Variants in SLC16A10 observed in about 807,000 individuals in gnomAD.
SLC16A10 encodes the protein solute carrier family 16 member 10.
Under a neutral mutation model 40.0 loss-of-function variants are expected in SLC16A10, and 27 were observed. The ratio of observed to expected loss-of-function variants is 0.67; its 90% CI spans 0.50 to 0.93. The LOEUF is 0.93. Ranked by LOEUF, SLC16A10 falls within the 40% of genes least tolerant of loss-of-function variation. The probability of loss-of-function intolerance (pLI) is 0.00; values close to 1 mark genes in which losing one functional copy is unlikely to be tolerated. For synonymous variants in SLC16A10, 213 were observed against 249.8 expected (o/e 0.85, Z 1.39); for missense variants, 529 against 658.2 (o/e 0.80, Z 2.15).
chr6:111,172,632 G>A (rs1274765853), intron 1 of SLC16A10, 63 bp from the exon 2 acceptor site: 2 of 1,563,050 alleles, frequency 1.3e-6, no homozygotes, highest in South Asian at 1.2e-5. Context: ...TTATATCAAT[G>A]GAATAAATAC....
intron 1 of SLC16A10, among the ~76,000 whole-genome samples, chr6:111,148,981 A>G (rs1346291869): frequency 6.6e-6 from 1 of 152,180 alleles, no homozygotes; most frequent in Non-Finnish European, 1.5e-5. Context: ...CGTCCATGGT[A>G]GAATTGATAC....
At chr6:111,219,097 G>T (rs566788281) in intron 5 of SLC16A10, 55 bp downstream of exon 5, 1 of 1,477,744 alleles carries the variant, frequency 6.8e-7, no homozygotes, top group African/African-American at 1.4e-5. Flanking sequence ...TTCTACTTCA[G>T]GTCTTAATTA....
intron 1 of SLC16A10, among the ~76,000 whole-genome samples, chr6:111,142,184 G>A (rs978399689): frequency 6.6e-6 from 1 of 152,176 alleles, no homozygotes; most frequent in African/African-American, 2.4e-5. Flanking sequence ...ACAGATCGAT[G>A]GAACAGAATA....
In SLC16A10 at chr6:111,186,990, A is replaced by G. The variant is rs140284491; in HGVS notation, c.942+9325A>G. Among the ~76,000 whole-genome samples, 222 of 152,286 alleles carry G rather than the reference A, an allele frequency of 1.5e-3. 1 individual carries two copies. The highest frequency in any genetic ancestry group is 5.2e-3 in the African/African-American group (215 of 41,576). The stretch of plus-strand genomic sequence containing the variant: ...CCCTGTATCTCTGTATCCATGTTAA[A>G]TTGAACTGATGCTTTTTTGAAGTAA... On this transcript the variant is annotated intron_variant, in intron 3 of 5. Transcript: ENST00000368851.
At chr6:111,128,019 G>A (rs1163147990) in intron 1 of SLC16A10, among the ~76,000 whole-genome samples, 1 of 152,118 alleles carries the variant, frequency 6.6e-6, no homozygotes, top group Non-Finnish European at 1.5e-5. Context: ...GATTACTGCT[G>A]CCTTTGCTCT....
chr6:111,193,356 G>A (rs1773027961), intron 3 of SLC16A10: 1 of 983,820 alleles, frequency 1.0e-6, no homozygotes, highest in African/African-American at 1.8e-5. Flanking sequence ...TATCAGTTTT[G>A]TGCCTTAGGC....
At chr6:111,146,431 A>G (rs748770841) in intron 1 of SLC16A10, among the ~76,000 whole-genome samples, 4 of 152,294 alleles carry the variant, frequency 2.6e-5, no homozygotes, top group Non-Finnish European at 5.9e-5. Context: ...TTAGGTGTAT[A>G]CCCAAGACAA....
intron 3 of SLC16A10, among the ~76,000 whole-genome samples, chr6:111,178,097 T>C (rs1388824837): frequency 6.6e-6 from 1 of 152,238 alleles, no homozygotes. Flanking sequence ...GTATAAAACA[T>C]TTGATAGGTC....
intron 1 of SLC16A10, among the ~76,000 whole-genome samples, chr6:111,122,157 T>A (rs1272384171): frequency 6.6e-6 from 1 of 152,174 alleles, no homozygotes; most frequent in African/African-American, 2.4e-5. Context: ...CTCACAGTGT[T>A]GTGGGGAGTG....
intron 1 of SLC16A10, among the ~76,000 whole-genome samples, chr6:111,101,425 A>G (rs923760276): frequency 3.3e-5 from 5 of 152,206 alleles, no homozygotes; most frequent in Admixed American, 3.3e-4. Flanking sequence ...GTATTTTCTG[A>G]CACCCCTAGA....
intron 1 of SLC16A10, among the ~76,000 whole-genome samples, chr6:111,161,714 A>C (rs1772375843): frequency 1.3e-5 from 2 of 152,184 alleles, no homozygotes; most frequent in African/African-American, 4.8e-5. Flanking sequence ...AAACAAAATA[A>C]GGGGGTAAGG....
At chr6:111,149,773 T>G (rs1772141118) in intron 1 of SLC16A10, among the ~76,000 whole-genome samples, 1 of 152,224 alleles carries the variant, frequency 6.6e-6, no homozygotes, top group Non-Finnish European at 1.5e-5. Flanking sequence ...ATCTACAGAC[T>G]TCCTTATGGA....
Position 111,230,322 on chromosome 6 carries a change from C to A in SLC16A10, c.*8087C>A, listed in dbSNP as rs765241642. The A allele has an allele frequency of 6.6e-6, 1 of 152,086 alleles. No individual in the cohort carries two copies. The highest frequency in any genetic ancestry group is 1.5e-5 in the Non-Finnish European group (1 of 68,020). 9.4% of individuals were successfully genotyped at this position (152,086 alleles called of 1,614,324 possible). A position where few individuals can be genotyped will look rare whatever the true frequency, so the allele number is the denominator to read the frequency against. ...ATTCTTCTCTTTTAAAAGACCCTGACTTAACTGTATTTTATGAGGATTTTA... is the reference window on the plus strand; with the variant it reads ...ATTCTTCTCTTTTAAAAGACCCTGAATTAACTGTATTTTATGAGGATTTTA... On this transcript the variant is annotated 3_prime_UTR_variant, in exon 6 of 6. Transcript: ENST00000368851.
chr6:111,104,310 C>T (rs1423536169), intron 1 of SLC16A10, among the ~76,000 whole-genome samples: 1 of 152,008 alleles, frequency 6.6e-6, no homozygotes, highest in African/African-American at 2.4e-5. Flanking sequence ...GACCGAAAGC[C>T]GAGTGAGATT....
rs539339322 is a variant in SLC16A10 at position 111,185,008 on chromosome 6, G to A, written c.942+7343G>A. Among the ~76,000 whole-genome samples the A allele has an allele frequency of 7.9e-5, 12 of 152,252 alleles. No individual in the cohort carries two copies. The South Asian group carries it at 1.9e-3, about 24-fold the overall frequency. Reference sequence around the variant, plus strand: ...GCCAGAGCTAAGGGCGCTGAGCCACGCAAATAGGAACAGCATACAAGCCTT... The same window carrying A: ...GCCAGAGCTAAGGGCGCTGAGCCACACAAATAGGAACAGCATACAAGCCTT... On this transcript the variant is annotated intron_variant, in intron 3 of 5. Transcript: ENST00000368851.
intron 3 of SLC16A10, among the ~76,000 whole-genome samples, chr6:111,197,390 A>G (rs1773095914): frequency 1.3e-5 from 2 of 152,216 alleles, no homozygotes; most frequent in Admixed American, 1.3e-4. Flanking sequence ...TGTTTCTTTC[A>G]AAAATCAAAT....
intron 1 of SLC16A10, among the ~76,000 whole-genome samples, chr6:111,110,244 T>C (rs188577192): frequency 5.5e-4 from 84 of 152,024 alleles, no homozygotes; most frequent in African/African-American, 1.9e-3. Context: ...GAGCAGTGAA[T>C]GGGAGGAAGA....
intron 1 of SLC16A10, among the ~76,000 whole-genome samples, chr6:111,139,013 C>T (rs1771932239): frequency 6.6e-6 from 1 of 151,522 alleles, no homozygotes; most frequent in South Asian, 2.1e-4. Context: ...ATCAGGCTCA[C>T]ATACTGTGAC....
intron 1 of SLC16A10, among the ~76,000 whole-genome samples, chr6:111,138,381 T>C (rs1420247133): frequency 1.3e-5 from 2 of 152,220 alleles, no homozygotes; most frequent in African/African-American, 4.8e-5. Flanking sequence ...ATTTGCCTAT[T>C]TTTCCAATTT....
Sources: allele counts gnomAD v4.1 joint callset (sites outside exome capture counted in the v4.1 genomes callset), GRCh38; gene constraint gnomAD v4.1.1; transcripts MANE v1.5; gene names NCBI Gene and HGNC (gene_info 2026-07-23, HGNC 2026-07-21).